GRID1: variants seen among roughly 807,000 people sequenced by gnomAD.
GRID1 encodes glutamate ionotropic receptor delta type subunit 1.
A neutral mutation model predicts 98.0 loss-of-function variants in GRID1; 28 were observed. The ratio of observed to expected loss-of-function variants is 0.29; its 90% CI spans 0.21 to 0.39. The LOEUF (loss-of-function observed/expected upper bound fraction) is 0.39, where lower values mean the gene tolerates loss of function less well. GRID1 is among the 10% of genes least tolerant of loss of function. The pLI is 1.00. For missense variants in GRID1, 1,111 were observed against 1,340.5 expected (o/e 0.83, Z 2.67); for synonymous variants, 553 against 538.5 (o/e 1.03, Z -0.37).
chr10:85,889,515 C>T (rs2131808420), intron 5 of GRID1, among the ~76,000 whole-genome samples: 1 of 152,280 alleles, frequency 6.6e-6, no homozygotes, highest in East Asian at 1.9e-4. Context: ...GACAGAATTT[C>T]ACTCTTTCTT....
At chr10:85,959,857 G>A (rs114758165) in intron 4 of GRID1, among the ~76,000 whole-genome samples, 3 of 151,776 alleles carry the variant, frequency 2.0e-5, no homozygotes, top group Admixed American at 6.6e-5. Context: ...AAGTCATTGT[G>A]TGGATATATT....
intron 8 of GRID1, among the ~76,000 whole-genome samples, chr10:85,828,642 C>A (rs536219386): frequency 6.6e-6 from 1 of 151,274 alleles, no homozygotes; most frequent in African/African-American, 2.4e-5. Context: ...CAAAAAAAAA[C>A]CCAGTGACAA....
chr10:85,847,924 G>A (rs1332714859), intron 8 of GRID1, among the ~76,000 whole-genome samples: 3 of 151,970 alleles, frequency 2.0e-5, no homozygotes, highest in Non-Finnish European at 4.4e-5. Flanking sequence ...ACAAAATATT[G>A]AACACAAATA....
chr10:86,058,700 T>C (rs1843608917), intron 4 of GRID1, among the ~76,000 whole-genome samples: 1 of 152,196 alleles, frequency 6.6e-6, no homozygotes, highest in Non-Finnish European at 1.5e-5. Flanking sequence ...CCACCCTTCA[T>C]CTTCCATTAA....
chr10:86,164,990 T>C (rs535761759), intron 3 of GRID1, among the ~76,000 whole-genome samples: 8 of 152,250 alleles, frequency 5.3e-5, no homozygotes, highest in East Asian at 1.9e-4. Context: ...CAGAAGCGAA[T>C]GTTCAGTGGG....
intron 4 of GRID1, among the ~76,000 whole-genome samples, chr10:86,054,129 C>T (rs990954573): frequency 7.9e-5 from 12 of 152,290 alleles, no homozygotes; most frequent in African/African-American, 2.9e-4. Flanking sequence ...TCTCAGAACT[C>T]ATATAGTAAG....
chr10:85,609,772 C>T lies in GRID1; in HGVS notation c.2601+3635G>A, dbSNP rs529959541. Among the ~76,000 whole-genome samples the T allele has an allele frequency of 1.4e-4, 22 of 152,350 alleles. No individual in the cohort carries two copies. In the South Asian group the frequency reaches 3.7e-3, roughly 26 times the overall value. On this transcript the variant is annotated intron_variant, in intron 15 of 15. Coordinates refer to ENST00000327946, the MANE Select transcript of GRID1 (RefSeq NM_017551.3). ...GAGCCCAGTGATGGATGACTCATCC[C>T]TCACTCCTCATGTCGTCTCCCATTT...
Position 86,209,935 on chromosome 10 carries a change from T to C in GRID1, c.236-3287A>G, listed in dbSNP as rs543116256. Among the ~76,000 whole-genome samples the C allele has an allele frequency of 2.4e-3, 372 of 152,338 alleles. 1 individual carries two copies. Among genetic ancestry groups the C allele is most frequent in the Admixed American group, 7.1e-3 (109 of 15,302 alleles). On this transcript the variant is annotated intron_variant, in intron 2 of 15. Transcript: ENST00000327946. ...TCTGGGCATGCATGCCACTGGCTCC[T>C]GCCCTCCTTGTCTCATACATACACT...
In GRID1 at chr10:85,729,504, T is replaced by C. The variant is rs1216398337; in HGVS notation, c.1335+9A>G. ...GTAGCTCGCTCCCAGAATGTCCCCA[T>C]GATCCTACCAAGACAGTCACCACTT... On this transcript the variant is annotated intron_variant, in intron 9 of 15. Coordinates refer to ENST00000327946, the MANE Select transcript of GRID1 (RefSeq NM_017551.3). 1.9e-6 allele frequency: 3 copies of C among 1,548,226 alleles called. No homozygotes were observed.
intron 4 of GRID1, among the ~76,000 whole-genome samples, chr10:85,922,124 A>T (rs924931843): frequency 6.6e-6 from 1 of 152,224 alleles, no homozygotes; most frequent in African/African-American, 2.4e-5. Context: ...GCTCTCTGAA[A>T]GCCCCAGATA....
At chr10:86,242,787 C>A (rs1251073446) in intron 2 of GRID1, among the ~76,000 whole-genome samples, 2 of 152,196 alleles carry the variant, frequency 1.3e-5, no homozygotes, top group African/African-American at 2.4e-5. Flanking sequence ...GACCTTGCTC[C>A]ATCCTCCGAG....
At chr10:85,766,163 CA>C (rs1456282484) in intron 8 of GRID1, among the ~76,000 whole-genome samples, 4 of 152,184 alleles carry the variant, frequency 2.6e-5, no homozygotes, top group African/African-American at 4.8e-5. Flanking sequence ...TTCCACCTCA[CA>C]AAAGAAACTT....
chr10:85,720,673 GAAA>G (rs138759929), intron 12 of GRID1, among the ~76,000 whole-genome samples: 28 of 144,486 alleles, frequency 1.9e-4, no homozygotes, highest in African/African-American at 7.1e-4. Flanking sequence ...GAAAAGAAGA[GAAA>G]AAAAAACCCC....
At chr10:85,614,277 C>A (rs72841439) in intron 14 of GRID1, among the ~76,000 whole-genome samples, 21,658 of 152,204 alleles carry the variant, frequency 0.14, 1,702 homozygotes, top group African/African-American at 0.18. Context: ...CCAGGAAACA[C>A]CACATGGTGA....
chr10:86,097,153 C>A (rs1474256392), intron 4 of GRID1, among the ~76,000 whole-genome samples: 1 of 152,198 alleles, frequency 6.6e-6, no homozygotes, highest in African/African-American at 2.4e-5. Flanking sequence ...CAGACTTGGA[C>A]TGAGCCACAC....
chr10:85,868,512 G>A (rs536299907), intron 6 of GRID1, among the ~76,000 whole-genome samples: 1 of 152,338 alleles, frequency 6.6e-6, no homozygotes, highest in East Asian at 1.9e-4. Flanking sequence ...TGGTCCTGCT[G>A]TCCTGCCCCT....
chr10:86,071,167 G>A (rs369363470), intron 4 of GRID1, among the ~76,000 whole-genome samples: 200 of 152,292 alleles, frequency 1.3e-3, no homozygotes, highest in East Asian at 3.7e-3. Flanking sequence ...GAATGCCCCC[G>A]CTTCACAATA....
chr10:86,236,228 G>A (rs1020299674), intron 2 of GRID1, among the ~76,000 whole-genome samples: 5 of 152,118 alleles, frequency 3.3e-5, no homozygotes, highest in Non-Finnish European at 5.9e-5. Context: ...TGCCCATTTT[G>A]TATTGGGTGG....
chr10:85,954,867 A>G (rs1842169681), intron 4 of GRID1, among the ~76,000 whole-genome samples: 1 of 152,170 alleles, frequency 6.6e-6, no homozygotes, highest in Non-Finnish European at 1.5e-5. Context: ...TCAGTTCCCC[A>G]CGGTGTTGTG....
Sources: allele counts gnomAD v4.1 joint callset (sites outside exome capture counted in the v4.1 genomes callset), GRCh38; gene constraint gnomAD v4.1.1; transcripts MANE v1.5; gene names NCBI Gene and HGNC (gene_info 2026-07-23, HGNC 2026-07-21).